Variants in ADGRE3 observed in about 807,000 individuals in gnomAD.
ADGRE3 encodes EGF-like module receptor 3.
A neutral mutation model predicts 80.1 loss-of-function variants in ADGRE3; 88 were observed. The observed-to-expected ratio is 1.10, with a 90% CI of 0.93 to 1.31. The LOEUF (loss-of-function observed/expected upper bound fraction) is 1.31. Ranked by LOEUF, ADGRE3 falls within the 40% of genes most tolerant of loss-of-function variation. The probability of loss-of-function intolerance (pLI) is 0.00; values close to 1 mark genes in which losing one functional copy is unlikely to be tolerated. For missense variants in ADGRE3, 715 were observed against 776.5 expected, an observed-to-expected ratio of 0.92 and a Z score of 0.94; for synonymous variants, 281 against 294.8, an observed-to-expected ratio of 0.95 and a Z score of 0.48.
At chr19:14,665,832 T>C (rs1003994044) in intron 2 of ADGRE3, among the ~76,000 whole-genome samples, 2 of 147,166 alleles carry the variant, frequency 1.4e-5, no homozygotes, top group Non-Finnish European at 3.0e-5. Flanking sequence ...AATAATATGT[T>C]ACATAATTTG....
intron 2 of ADGRE3, among the ~76,000 whole-genome samples, chr19:14,664,951 C>T (rs1008294592): frequency 6.6e-6 from 1 of 150,614 alleles, no homozygotes; most frequent in African/African-American, 2.4e-5. Context: ...CATCATTTTT[C>T]TTTACGTTAT....
chr19:14,601,666 T>C, the ADGRE3 span, among the ~76,000 whole-genome samples: 1 of 152,168 alleles, frequency 6.6e-6, no homozygotes, highest in Admixed American at 6.6e-5. Flanking sequence ...TCACTCAAGC[T>C]GGAGTGCAGT....
chr19:14,630,071 T>G lies in ADGRE3; in HGVS notation c.1780A>C (p.Ile594Leu). Reference sequence around the variant, plus strand: ...CTGAGGAGGCAGTAGACCAAGAAGATGAAGAAGCCTTGGAGGCTGTTGATG... The same window carrying G: ...CTGAGGAGGCAGTAGACCAAGAAGAGGAAGAAGCCTTGGAGGCTGTTGATG... ...TIINSLQGFFIFLVYCLLSQQ... is the reference protein window; with the variant it reads ...TIINSLQGFFLFLVYCLLSQQ... Residue 594 changes from isoleucine to leucine, a missense_variant, in exon 14 of 16, where the codon ATC (isoleucine) becomes CTC (leucine). By Grantham distance (5) the Ile-to-Leu change is conservative. Coordinates refer to ENST00000253673, the MANE Select transcript of ADGRE3 (RefSeq NM_032571.5). The G allele has an allele frequency of 2.5e-6, 4 of 1,610,296 alleles. No homozygotes were observed. The highest frequency in any genetic ancestry group is 3.4e-6 in the Non-Finnish European group (4 of 1,177,624).
chr19:14,617,992 T>A (rs1179601374), downstream of ADGRE3, among the ~76,000 whole-genome samples: 1 of 152,168 alleles, frequency 6.6e-6, no homozygotes. Flanking sequence ...CTTTTGGGCA[T>A]GCACTTGAAT....
At chr19:14,617,199 T>C (rs1370389020), downstream of ADGRE3, among the ~76,000 whole-genome samples, 3 of 151,764 alleles carry the variant, frequency 2.0e-5, no homozygotes, top group Admixed American at 1.3e-4. Flanking sequence ...GGCCTGAACA[T>C]GTGTCCTCTC....
At chr19:14,656,546 G>A (rs1000996658) in intron 5 of ADGRE3, among the ~76,000 whole-genome samples, 3 of 152,022 alleles carry the variant, frequency 2.0e-5, no homozygotes, top group African/African-American at 4.8e-5. Context: ...GGTTGGGCCA[G>A]GTGCGACATT....
In ADGRE3 at chr19:14,674,838, C is replaced by T; in HGVS notation, c.-68G>A. 5 of 1,508,640 alleles carry T rather than the reference C, an allele frequency of 3.3e-6. No individual in the cohort carries two copies. The South Asian group carries it at 4.7e-5, about 14-fold the overall frequency. 93.5% of individuals were successfully genotyped at this position (1,508,640 alleles called of 1,614,324 possible). A position where few individuals can be genotyped will look rare whatever the true frequency, so the allele number is the denominator to read the frequency against. ...CTCTACTGTGCCGTAAGCCAACCAC[C>T]TTTCCTAGCTCAAGAAATCCCATGA... On this transcript the variant is annotated 5_prime_UTR_variant, in exon 1 of 16. Transcript: ENST00000253673.
chr19:14,674,455 C>G (rs1972337125), intron 1 of ADGRE3, among the ~76,000 whole-genome samples: 1 of 152,074 alleles, frequency 6.6e-6, no homozygotes, highest in Non-Finnish European at 1.5e-5. Context: ...CAAGATTGCG[C>G]CACTGCACTC....
At chr19:14,655,937 G>A (rs7255156) in intron 5 of ADGRE3, among the ~76,000 whole-genome samples, 63,269 of 151,800 alleles carry the variant, frequency 0.42, 13,595 homozygotes, top group East Asian at 0.62. Flanking sequence ...TGCCACTATT[G>A]AAGCAGCGTC....
downstream of ADGRE3, among the ~76,000 whole-genome samples, chr19:14,617,341 C>CCTTTCTTTCTTTCATTCTTTCTTT (rs2075083393): frequency 1.7e-5 from 1 of 57,170 alleles, no homozygotes; most frequent in Non-Finnish European, 3.7e-5. Context: ...TCCCTCCCTC[C>CCTTTCTTTCTTTCATTCTTTCTTT]CTTTCTTTCT....
chr19:14,653,765 G>A (rs1323762526), intron 6 of ADGRE3, among the ~76,000 whole-genome samples: 1 of 151,896 alleles, frequency 6.6e-6, no homozygotes, highest in African/African-American at 2.4e-5. Flanking sequence ...ATTGACAGGA[G>A]AATGAAGCCC....
chr19:14,619,581 G>C, intron 15 of ADGRE3, 110 bp from the exon 16 acceptor site: 1 of 834,420 alleles, frequency 1.2e-6, no homozygotes, highest in Non-Finnish European at 2.0e-6. Flanking sequence ...GTTTGAACCA[G>C]CAGGCAAGGA....
chr19:14,602,580 A>G, the ADGRE3 span, among the ~76,000 whole-genome samples: 2 of 152,154 alleles, frequency 1.3e-5, no homozygotes, highest in African/African-American at 4.8e-5. Flanking sequence ...GGCATGAGCC[A>G]CTGTACCCAG....
At chr19:14,670,397 T>G (rs1972223118) in intron 1 of ADGRE3, among the ~76,000 whole-genome samples, 1 of 152,194 alleles carries the variant, frequency 6.6e-6, no homozygotes, top group Non-Finnish European at 1.5e-5. Context: ...TTCCATCATA[T>G]TCCCTTGGTT....
rs184577451 is a variant in ADGRE3, at chr19:14,653,209, C to T, written c.577+1773G>A. 3.7e-4 allele frequency among the ~76,000 whole-genome samples: 56 copies of T among 152,104 alleles called. No homozygotes were observed. The East Asian group carries it at 9.9e-3, about 27-fold the overall frequency. On this transcript the variant is annotated intron_variant, in intron 6 of 15. Transcript: ENST00000253673. ...GCCAGGCTGATCTCGAACTCCTGAC[C>T]TCAAGTGATCCGCCTGCCTTAGCCT... is the stretch of plus-strand genomic sequence containing the variant.
chr19:14,648,969 CCCA>C (rs1971496049), intron 7 of ADGRE3, among the ~76,000 whole-genome samples: 1 of 150,288 alleles, frequency 6.7e-6, no homozygotes, highest in Non-Finnish European at 1.5e-5. Flanking sequence ...ATCTCTCTCC[CCCA>C]TTTCTCTCTC....
Position 14,674,779 on chromosome 19 carries a change from T to C in ADGRE3, c.-9A>G. On this transcript the variant is annotated 5_prime_UTR_variant, in exon 1 of 16. Transcript: ENST00000253673. ...AGCAATGGTCCCTGCATTTCTGTGG[T>C]ACGGGTATCCCACGCCAGCCAGCCC... The C allele has an allele frequency of 6.2e-7, 1 of 1,613,902 alleles. No individual in the cohort carries two copies.
In ADGRE3 at chr19:14,668,851, G is replaced by A. The variant is rs780176632; in HGVS notation, c.27C>T (p.Gly9=). The A allele has an allele frequency of 3.7e-6, 6 of 1,614,006 alleles. No homozygotes were observed. The highest frequency in any genetic ancestry group is 5.1e-6 in the Non-Finnish European group (6 of 1,179,924). ...CAAAGAGGCTCAGCAGAAAGCAGAGGCCTGGAATAGATGGGAAACAGAAGG... is the reference window on the plus strand; with the variant it reads ...CAAAGAGGCTCAGCAGAAAGCAGAGACCTGGAATAGATGGGAAACAGAAGG... The part of the protein sequence containing the change: MQGPLLLP[G]LCFLLSLFGA... The change falls in exon 2 of 16, where the codon GGC becomes GGT. Residue 9 remains glycine (G), a splice_region_variant and synonymous_variant. Transcript: ENST00000253673.
chr19:14,618,019 A>T (rs958195676), downstream of ADGRE3, among the ~76,000 whole-genome samples: 2 of 152,024 alleles, frequency 1.3e-5, no homozygotes, highest in Non-Finnish European at 2.9e-5. Context: ...ACATTCTTTA[A>T]TTTTTTTATT....
Sources: gnomAD v4.1 joint callset for allele counts (sites outside exome capture counted in the v4.1 genomes callset) on GRCh38, gnomAD v4.1.1 for gene constraint, MANE v1.5 for transcripts, NCBI Gene and HGNC (gene_info 2026-07-23, HGNC 2026-07-21) for gene names.